Variants in UBP1 observed in about 807,000 individuals in gnomAD.
The protein encoded by UBP1 is upstream binding protein 1, also known as upstream-binding protein 1.
In UBP1, 22 loss-of-function variants were observed where a neutral mutation model predicts 76.1. That is an observed-to-expected ratio of 0.29 (90% CI 0.21 to 0.41). The LOEUF (loss-of-function observed/expected upper bound fraction) is 0.41. Ranked by LOEUF, UBP1 falls within the 10% of genes least tolerant of loss-of-function variation. The pLI is 1.00. For missense variants in UBP1, 436 were observed against 668.1 expected, an observed-to-expected ratio of 0.65 and a Z score of 3.83; for synonymous variants, 224 against 237.1, an observed-to-expected ratio of 0.94 and a Z score of 0.51.
intron 8 of UBP1, among the ~76,000 whole-genome samples, chr3:33,405,634 C>CT (rs2154056797): frequency 6.6e-6 from 1 of 152,214 alleles, no homozygotes; most frequent in African/African-American, 2.4e-5. Flanking sequence ...GGGGATCAGC[C>CT]TGAGGAACAC....
rs1559681885 is a variant in UBP1, at chr3:33,412,757, TTCCA to T, written c.409_412del (p.Trp137SerfsTer12). On this transcript the variant is annotated frameshift_variant, in exon 4 of 16. Transcript: ENST00000283629. LOFTEE classifies it high-confidence loss of function. ...AAGTCTGTCTCCTGGGCGATTCCACTTCCATCCTTCAAGTTGCTGATGCTCTGTG... is the reference window on the plus strand; with the variant it reads ...AAGTCTGTCTCCTGGGCGATTCCACTTCCTTCAAGTTGCTGATGCTCTGTG... 1 of 1,614,022 alleles carries T rather than the reference TTCCA, an allele frequency of 6.2e-7. No individual in the cohort carries two copies. The highest frequency in any genetic ancestry group is 8.5e-7 in the Non-Finnish European group (1 of 1,179,856).
At chr3:33,398,104 T>A (rs1413011600) in intron 11 of UBP1, 1 of 152,200 alleles carries the variant, frequency 6.6e-6, no homozygotes, top group African/African-American at 2.4e-5. Context: ...TCTCTACTTT[T>A]TAATGTCTGA....
chr3:33,437,921 G>C (rs1037096378), intron 1 of UBP1, among the ~76,000 whole-genome samples: 1 of 152,010 alleles, frequency 6.6e-6, no homozygotes, highest in Non-Finnish European at 1.5e-5. Flanking sequence ...CTTAGTTTTT[G>C]AGGACTCAAT....
chr3:33,427,855 C>A (rs937784477), intron 1 of UBP1, among the ~76,000 whole-genome samples: 2 of 152,166 alleles, frequency 1.3e-5, no homozygotes, highest in Non-Finnish European at 1.5e-5. Context: ...AGGGATTTTG[C>A]CCCACCTAAG....
At chr3:33,417,004 C>A (rs1157426405) in intron 2 of UBP1, among the ~76,000 whole-genome samples, 170 bp from the exon 3 acceptor site, 1 of 152,212 alleles carries the variant, frequency 6.6e-6, no homozygotes, top group Non-Finnish European at 1.5e-5. Context: ...ATCACACCAA[C>A]CTTCTGTTCT....
chr3:33,405,284 C>G (rs887035476), intron 8 of UBP1, among the ~76,000 whole-genome samples: 2 of 152,004 alleles, frequency 1.3e-5, no homozygotes, highest in African/African-American at 4.8e-5. Context: ...GAAGGAAGAA[C>G]AGAGTAAAAT....
In UBP1 at chr3:33,413,903, C is replaced by T. The variant is rs112056481; in HGVS notation, c.343-1076G>A. ...GTGGTGGCCCCTAAGACACCAATGCCAGTGGTTCACATCTGCTAGCCAGCT... is the reference window on the plus strand; with the variant it reads ...GTGGTGGCCCCTAAGACACCAATGCTAGTGGTTCACATCTGCTAGCCAGCT... On this transcript the variant is annotated intron_variant, in intron 3 of 15. Coordinates refer to ENST00000283629, the MANE Select transcript of UBP1 (RefSeq NM_014517.5). 4.6e-5 allele frequency among the ~76,000 whole-genome samples: 7 copies of T among 152,278 alleles called. 1 individual carries two copies. The highest frequency in any genetic ancestry group is 1.4e-4 in the African/African-American group (6 of 41,566).
chr3:33,439,614 C>A, intron 1 of UBP1, 122 bp downstream of exon 1: 14 of 1,083,886 alleles, frequency 1.3e-5, no homozygotes, highest in Non-Finnish European at 1.7e-5. Context: ...CGGCAGGACT[C>A]CGACCCCGCA....
intron 2 of UBP1, among the ~76,000 whole-genome samples, chr3:33,423,287 C>T (rs1011784830): frequency 6.6e-6 from 1 of 152,148 alleles, no homozygotes; most frequent in Admixed American, 6.6e-5. Context: ...GATCCGCCCA[C>T]CTTGGCCTCC....
At chr3:33,417,940 A>G (rs985571499) in intron 2 of UBP1, among the ~76,000 whole-genome samples, 1 of 152,244 alleles carries the variant, frequency 6.6e-6, no homozygotes, top group Non-Finnish European at 1.5e-5. Flanking sequence ...GGAAAACAGC[A>G]TATATATAGT....
intron 1 of UBP1, among the ~76,000 whole-genome samples, chr3:33,436,509 G>C (rs952850557): frequency 6.6e-6 from 1 of 152,114 alleles, no homozygotes; most frequent in Non-Finnish European, 1.5e-5. Context: ...TTAACAAACA[G>C]GGCTCAGACA....
intron 2 of UBP1, among the ~76,000 whole-genome samples, chr3:33,420,926 G>C (rs1334475817): frequency 6.6e-6 from 1 of 152,156 alleles, no homozygotes; most frequent in Non-Finnish European, 1.5e-5. Flanking sequence ...ATTCTTAGCA[G>C]CGTATTCTCC....
intron 10 of UBP1, 33 bp from the exon 11 acceptor site, chr3:33,400,315 G>C: frequency 6.6e-7 from 1 of 1,508,334 alleles, no homozygotes; most frequent in Non-Finnish European, 9.0e-7. Flanking sequence ...TAAATAAAAG[G>C]AACCATTCAG....
chr3:33,407,998 G>C lies in UBP1; in HGVS notation c.927+692C>G, dbSNP rs116634963. On this transcript the variant is annotated intron_variant, in intron 8 of 15. Transcript: ENST00000283629. ...ACTGGACAAAGCACATATTCAACCA[G>C]ATGCCCCCTGACTGCATATTGGGGG... is the stretch of plus-strand genomic sequence containing the variant. Among the ~76,000 whole-genome samples, 1,260 of 152,254 alleles carry C rather than the reference G, an allele frequency of 8.3e-3. 17 individuals are homozygous for C. Among genetic ancestry groups the C allele is most frequent in the African/African-American group, 0.028 (1,158 of 41,528 alleles).
At position 33,427,245 on chromosome 3, in the gene UBP1, G is replaced by A. The variant is rs553468544; in HGVS notation, c.114-1504C>T. Among the ~76,000 whole-genome samples the A allele has an allele frequency of 6.6e-5, 10 of 152,342 alleles. No individual in the cohort carries two copies. The South Asian group carries it at 1.7e-3, about 25-fold the overall frequency. On this transcript the variant is annotated intron_variant, in intron 1 of 15. Coordinates refer to ENST00000283629, the MANE Select transcript of UBP1 (RefSeq NM_014517.5). ...CTCCCAAAGTGCTGGGATTATAGGC[G>A]TGAGCCATCACGCCCCGCCTCTGTT...
intron 9 of UBP1, 59 bp from the exon 10 acceptor site, chr3:33,401,075 C>A: frequency 6.8e-7 from 1 of 1,461,530 alleles, no homozygotes; most frequent in South Asian, 1.3e-5. Flanking sequence ...ATGTTTTAAT[C>A]AAGGCATTAA....
In UBP1 at chr3:33,439,926, C is replaced by T. The variant is rs1046994517; in HGVS notation, c.-78G>A. The stretch of plus-strand genomic sequence containing the variant: ...GGAGCCGGAGCTCCGCTGGCGCGTC[C>T]TGGGGGAGGGCGCGGGTGAAGCCTC... On this transcript the variant is annotated 5_prime_UTR_variant, in exon 1 of 16. Coordinates refer to ENST00000283629, the MANE Select transcript of UBP1 (RefSeq NM_014517.5). 1.3e-6 allele frequency: 2 copies of T among 1,537,012 alleles called. No individual in the cohort carries two copies. The highest frequency in any genetic ancestry group is 1.8e-6 in the Non-Finnish European group (2 of 1,128,374).
rs2043598953 is a variant in UBP1, at chr3:33,388,342, A to C, written c.*1989T>G. 1.3e-5 allele frequency: 2 copies of C among 152,620 alleles called. No individual in the cohort carries two copies. The highest frequency in any genetic ancestry group is 2.9e-5 in the Non-Finnish European group (2 of 68,042). The allele number at this position is 152,620 out of a possible 1,614,324, so 9.5% of individuals were successfully genotyped here. ...ATTTTAAATGAGACACACATTTGCA[A>C]AACAATCAGAAAACATTTATTATAC... On this transcript the variant is annotated 3_prime_UTR_variant, in exon 16 of 16. Transcript: ENST00000283629.
At chr3:33,428,888 C>T (rs1246792368) in intron 1 of UBP1, among the ~76,000 whole-genome samples, 2 of 151,700 alleles carry the variant, frequency 1.3e-5, no homozygotes, top group Non-Finnish European at 2.9e-5. Flanking sequence ...GCTCCAACTA[C>T]CCCGGCCTCC....
Sources: gnomAD v4.1 joint callset for allele counts (sites outside exome capture counted in the v4.1 genomes callset) on GRCh38, gnomAD v4.1.1 for gene constraint, MANE v1.5 for transcripts, NCBI Gene and HGNC (gene_info 2026-07-23, HGNC 2026-07-21) for gene names.